The following RNF135 variants were observed in gnomAD, a reference collection of about 807,000 sequenced individuals.
The protein encoded by RNF135 is ring finger protein 135.
In RNF135, 46 loss-of-function variants were observed where a neutral mutation model predicts 41.9. The observed-to-expected ratio is 1.10, with a 90% CI of 0.87 to 1.40. RNF135 has a LOEUF of 1.40. RNF135 is among the 40% of genes most tolerant of loss of function. The pLI, the probability that RNF135 is intolerant of heterozygous loss-of-function variation, is 0.00. For synonymous variants in RNF135, 238 were observed against 223.8 expected (o/e 1.06, Z -0.57); for missense variants, 539 against 549.8 (o/e 0.98, Z 0.20).
rs1415781397 is a variant in RNF135 at position 30,987,931 on chromosome 17, G to A, written c.517-13G>A. On this transcript the variant is annotated splice_polypyrimidine_tract_variant and intron_variant, in intron 2 of 4. Transcript: ENST00000328381. ...GACTTCCATTTATTCAGTTTTAAAT[G>A]GTTTATCAATAGGCTTTTTCTTCTG... 3 of 1,612,708 alleles carry A rather than the reference G, an allele frequency of 1.9e-6. No individual in the cohort carries two copies. Among genetic ancestry groups the A allele is most frequent in the Non-Finnish European group, 2.5e-6 (3 of 1,178,860 alleles).
intron 3 of RNF135, among the ~76,000 whole-genome samples, chr17:30,996,928 A>T (rs983194241): frequency 2.0e-5 from 3 of 152,136 alleles, no homozygotes; most frequent in Non-Finnish European, 4.4e-5. Flanking sequence ...TTATTTCATG[A>T]GTGTGCATAA....
chr17:30,971,786 T>C, intron 1 of RNF135: 1 of 1,000,602 alleles, frequency 1.0e-6, no homozygotes, highest in Non-Finnish European at 1.2e-6. Context: ...ATTTTAACCT[T>C]TTTCTTTATT....
In RNF135 at chr17:30,999,231, C is replaced by G. The variant is rs374810810; in HGVS notation, c.*40C>G. The G allele has an allele frequency of 6.5e-5, 103 of 1,596,024 alleles. 1 individual carries two copies. The East Asian group carries it at 9.1e-4, about 14-fold the overall frequency. ...TTACAACACAGTGGTTTCCTGGTCT[C>G]TCTCCCTGTCATCAATCAGGGTAGT... On this transcript the variant is annotated 3_prime_UTR_variant, in exon 5 of 5. Coordinates refer to ENST00000328381, the MANE Select transcript of RNF135 (RefSeq NM_032322.4).
At position 30,988,102 on chromosome 17, in the gene RNF135, G is replaced by A; in HGVS notation, c.675G>A (p.Met225Ile). ...VTWKEAPEAQMQGELLEAPSS... is the reference protein window; with the variant it reads ...VTWKEAPEAQIQGELLEAPSS... ...GGAAAGAGGCTCCTGAAGCACAAAT[G>A]CAGGGTGAGCTGATCTTATTTATTG... Residue 225 changes from methionine (M) to isoleucine (I), a missense_variant, in exon 3 of 5, where the codon ATG becomes ATA. Physicochemically the swap from Met to Ile is conservative, Grantham distance 10. Coordinates refer to ENST00000328381, the MANE Select transcript of RNF135 (RefSeq NM_032322.4). 2.5e-6 allele frequency: 4 copies of A among 1,613,910 alleles called. No homozygotes were observed. The highest frequency in any genetic ancestry group is 2.2e-5 in the East Asian group (1 of 44,878).
chr17:30,969,279 G>T (rs951166624), upstream of RNF135: 2 of 152,172 alleles, frequency 1.3e-5, no homozygotes, highest in Non-Finnish European at 2.9e-5. Context: ...CAGAAAAAAA[G>T]AGGCTCTTAG....
intron 1 of RNF135, among the ~76,000 whole-genome samples, chr17:30,982,696 C>T (rs1907243904): frequency 6.6e-6 from 1 of 152,110 alleles, no homozygotes; most frequent in South Asian, 2.1e-4. Context: ...TCTGCCCTCT[C>T]CACCCTTAAG....
At chr17:30,968,603 T>G (rs1279094847), upstream of RNF135, among the ~76,000 whole-genome samples, 3 of 151,814 alleles carry the variant, frequency 2.0e-5, no homozygotes, top group East Asian at 5.9e-4. Context: ...TTAGCCAGAA[T>G]GGTCTCAATC....
chr17:30,983,007 A>T (rs1221567052), intron 1 of RNF135, among the ~76,000 whole-genome samples: 1 of 152,074 alleles, frequency 6.6e-6, no homozygotes, highest in Non-Finnish European at 1.5e-5. Flanking sequence ...AAGTTGAATC[A>T]TACAGTATCT....
intron 1 of RNF135, among the ~76,000 whole-genome samples, chr17:30,983,351 A>ATTTTT (rs1907343009): frequency 2.4e-5 from 1 of 42,040 alleles, no homozygotes; most frequent in African/African-American, 9.6e-5. Flanking sequence ...ATATATATAT[A>ATTTTT]TATTTTTTTT....
chr17:30,986,271 A>G (rs1907580481), intron 2 of RNF135, among the ~76,000 whole-genome samples: 1 of 149,994 alleles, frequency 6.7e-6, no homozygotes, highest in Non-Finnish European at 1.5e-5. Context: ...ATCTCAGCTC[A>G]TTGCAACCTC....
chr17:30,968,886 G>T (rs1905669313), upstream of RNF135: 1 of 151,712 alleles, frequency 6.6e-6, no homozygotes, highest in South Asian at 2.1e-4. Flanking sequence ...TAATTTTTTT[G>T]AGACTAGGTC....
In RNF135 at chr17:30,980,503, A is replaced by AC. The variant is rs1364664063; in HGVS notation, c.373-4106dup. 3.6e-3 allele frequency among the ~76,000 whole-genome samples: 281 copies of AC among 78,858 alleles called. 7 individuals are homozygous for AC. Among genetic ancestry groups the AC allele is most frequent in the Admixed American group, 0.032 (254 of 8,018 alleles). The allele number at this position is 78,858 out of a possible 152,430, so 51.7% of individuals were successfully genotyped here. ...GGGCGGCTGGCCGGGCGGGGGGCTG[A>AC]CCCCCCCCACCTCCCTCCCGGACGG... On this transcript the variant is annotated intron_variant, in intron 1 of 4. Transcript: ENST00000328381.
In RNF135 at chr17:30,990,984, A is replaced by C. The variant is rs137860598; in HGVS notation, c.679+2878A>C. Among the ~76,000 whole-genome samples, 352 of 152,326 alleles carry C rather than the reference A, an allele frequency of 2.3e-3. 3 individuals carry two copies. The highest frequency in any genetic ancestry group is 7.9e-3 in the African/African-American group (327 of 41,564). The stretch of plus-strand genomic sequence containing the variant: ...AATAACTGTGTATGTACATTGTTTC[A>C]TATGGGTGTAGATATATTTGTAGCT... On this transcript the variant is annotated intron_variant, in intron 3 of 4. Transcript: ENST00000328381.
intron 3 of RNF135, 77 bp downstream of exon 3, chr17:30,988,183 T>C: frequency 7.2e-7 from 1 of 1,388,846 alleles, no homozygotes; most frequent in Non-Finnish European, 1.0e-6. Context: ...ATGGCTTTGT[T>C]CTCTGGGGAT....
rs753762019 is a variant in RNF135 at position 30,971,461 on chromosome 17, C to T, written c.372+16C>T. 2.2e-5 allele frequency: 33 copies of T among 1,488,342 alleles called. No homozygotes were observed. The South Asian group carries it at 3.9e-4, about 18-fold the overall frequency. 92.2% of individuals were successfully genotyped at this position (1,488,342 alleles called of 1,614,324 possible). A position where few individuals can be genotyped will look rare whatever the true frequency, so the allele number is the denominator to read the frequency against. On this transcript the variant is annotated intron_variant, in intron 1 of 4. Coordinates refer to ENST00000328381, the MANE Select transcript of RNF135 (RefSeq NM_032322.4). ...ACTGCAGCGGGTAGGGAGGCCGGGC[C>T]CGCAGCTCCCCTGGCTCCCCCGGGC...
At chr17:30,995,216 T>A (rs1908262995) in intron 3 of RNF135, among the ~76,000 whole-genome samples, 1 of 151,800 alleles carries the variant, frequency 6.6e-6, no homozygotes, top group South Asian at 2.1e-4. Context: ...TGAAACCCCG[T>A]CTCTACTAAA....
In RNF135 at chr17:30,971,369, CCCACTG is replaced by C; in HGVS notation, c.299_304del (p.His100_Cys101del). The stretch of plus-strand genomic sequence containing the variant: ...GAGATACAGGCGGGCTCCGACCCTG[CCCACTG>C]CCCCTGCCCGGGCTCCAGTTCCCTC... On this transcript the variant is annotated inframe_deletion, in exon 1 of 5. Transcript: ENST00000328381. The C allele has an allele frequency of 6.5e-7, 1 of 1,528,392 alleles. No individual in the cohort carries two copies. Among genetic ancestry groups the C allele is most frequent in the Non-Finnish European group, 8.8e-7 (1 of 1,142,706 alleles). 94.7% of individuals were successfully genotyped at this position (1,528,392 alleles called of 1,614,324 possible). A position where few individuals can be genotyped will look rare whatever the true frequency, so the allele number is the denominator to read the frequency against.
At chr17:30,975,389 C>G (rs1035683600) in intron 1 of RNF135, 11 of 760,216 alleles carry the variant, frequency 1.4e-5, no homozygotes, top group Middle Eastern at 3.3e-4. Context: ...TTAGAAGATG[C>G]CAGGCTCAGA....
At chr17:30,987,904 G>T in intron 2 of RNF135, 40 bp from the exon 3 acceptor site, 1 of 1,548,236 alleles carries the variant, frequency 6.5e-7, no homozygotes, top group South Asian at 1.1e-5. Context: ...GACTGCATAG[G>T]GGACTTCCAT....
Sources: allele counts gnomAD v4.1 joint callset (sites outside exome capture counted in the v4.1 genomes callset), GRCh38; gene constraint gnomAD v4.1.1; transcripts MANE v1.5; gene names NCBI Gene and HGNC (gene_info 2026-07-23, HGNC 2026-07-21).